SENP7: variants seen among roughly 807,000 people sequenced by gnomAD.
SENP7 encodes SUMO specific peptidase 7.
A neutral mutation model predicts 141.2 loss-of-function variants in SENP7; 64 were observed. That is an observed-to-expected ratio of 0.45 (90% confidence interval 0.37 to 0.56). The LOEUF is 0.56. Ranked by LOEUF, SENP7 falls within the 20% of genes least tolerant of loss-of-function variation. SENP7 has a pLI of 0.00. For synonymous variants in SENP7, 382 were observed against 426.4 expected (o/e 0.90, Z 1.28); for missense variants, 1,025 against 1,212.2 (o/e 0.85, Z 2.29).
chr3:101,475,924 C>CT (rs1398440007), intron 3 of SENP7, among the ~76,000 whole-genome samples: 2 of 152,074 alleles, frequency 1.3e-5, no homozygotes, highest in African/African-American at 4.8e-5. Flanking sequence ...AAACATCCCA[C>CT]TTTCAACATG....
rs147566320 is a variant in SENP7 at position 101,432,390 on chromosome 3, G to A, written c.285-14600C>T. ...TGCCATCCTGAAGGGAAGAACACAG[G>A]CCTGGCTGGCTTTGCCACTTGCTGA... On this transcript the variant is annotated intron_variant, in intron 4 of 23. Transcript: ENST00000394095. Among the ~76,000 whole-genome samples the A allele has an allele frequency of 9.4e-3, 1,439 of 152,314 alleles. 25 individuals are homozygous for A. The highest frequency in any genetic ancestry group is 0.033 in the African/African-American group (1,385 of 41,552).
chr3:101,459,048 T>A lies in SENP7; in HGVS notation c.191A>T (p.Glu64Val). Residue 64 changes from glutamate to valine, a missense_variant, in exon 4 of 24, where the codon GAA (glutamate) becomes GTA (valine). Physicochemically the swap from Glu to Val is moderately radical, Grantham distance 121. This residue lies in a region of SENP7 where 496 missense variants were observed against 503.5 expected (regional missense o/e 0.99). Transcript: ENST00000394095. ...GATGACTTTATTCCTTAGGCTTCTT[T>A]CCCACTAGGAAAAAAAAAATGAAAT... Reference protein sequence around the residue: ...SERWTLPLQWERSLRNKVISL... With the variant: ...SERWTLPLQWVRSLRNKVISL... The A allele has an allele frequency of 6.4e-7, 1 of 1,559,106 alleles. No individual in the cohort carries two copies. The highest frequency in any genetic ancestry group is 8.7e-7 in the Non-Finnish European group (1 of 1,144,698).
intron 11 of SENP7, chr3:101,357,319 A>C: frequency 1.5e-6 from 1 of 651,322 alleles, no homozygotes; most frequent in Non-Finnish European, 2.9e-6. Flanking sequence ...TGGACACTGC[A>C]CAGTGGAATT....
chr3:101,461,428 G>A (rs543353066), intron 3 of SENP7, among the ~76,000 whole-genome samples: 3 of 152,018 alleles, frequency 2.0e-5, no homozygotes, highest in South Asian at 2.1e-4. Flanking sequence ...AAACCACAGT[G>A]ACATACCATT....
In SENP7 at chr3:101,426,017, G is replaced by A. The variant is rs117158994; in HGVS notation, c.285-8227C>T. The stretch of plus-strand genomic sequence containing the variant: ...TGAGAAATAAGGGATTATGTAAAGA[G>A]ACTAAACCTACAACTCACTAGTGTA... On this transcript the variant is annotated intron_variant, in intron 4 of 23. Transcript: ENST00000394095. 1.4e-3 allele frequency among the ~76,000 whole-genome samples: 207 copies of A among 152,258 alleles called. 1 individual carries two copies. In the East Asian group the frequency reaches 0.028, roughly 21 times the overall value.
intron 11 of SENP7, chr3:101,358,132 C>T (rs1478980205): frequency 7.8e-6 from 4 of 515,434 alleles, no homozygotes; most frequent in Admixed American, 6.1e-5. Flanking sequence ...TCCTCAAACC[C>T]TACTAAACAT....
intron 3 of SENP7, among the ~76,000 whole-genome samples, chr3:101,467,304 T>G (rs1041891365): frequency 6.6e-6 from 1 of 152,262 alleles, no homozygotes; most frequent in African/African-American, 2.4e-5. Flanking sequence ...TAAACGTCCC[T>G]GTCTGACAGC....
chr3:101,446,497 G>C lies in SENP7; in HGVS notation c.284+12458C>G, dbSNP rs1054416644. 6.6e-5 allele frequency among the ~76,000 whole-genome samples: 10 copies of C among 152,228 alleles called. No individual in the cohort carries two copies. The East Asian group carries it at 1.9e-3, about 29-fold the overall frequency. ...TCACCAGTGCAAGAAACATTCTCCA[G>C]GGCAGATCCTATGAAAGGACACAAA... On this transcript the variant is annotated intron_variant, in intron 4 of 23. Coordinates refer to ENST00000394095, the MANE Select transcript of SENP7 (RefSeq NM_020654.5).
At position 101,499,535 on chromosome 3, in the gene SENP7, A is replaced by AT. The variant is rs55855998; in HGVS notation, c.90+1534dup. Among the ~76,000 whole-genome samples, 203 of 138,778 alleles carry AT rather than the reference A, an allele frequency of 1.5e-3. 4 individuals carry two copies. In the East Asian group the frequency reaches 0.027, roughly 18 times the overall value. 91.0% of individuals were successfully genotyped at this position (138,778 alleles called of 152,430 possible). A position where few individuals can be genotyped will look rare whatever the true frequency, so the allele number is the denominator to read the frequency against. On this transcript the variant is annotated intron_variant, in intron 2 of 23. Coordinates refer to ENST00000394095, the MANE Select transcript of SENP7 (RefSeq NM_020654.5). Reference sequence around the variant, plus strand: ...AGGCACCTGCCATCATGCCCAGCTAATTTTTTTTTTTTTTCTTGGAGACAG... The same window carrying AT: ...AGGCACCTGCCATCATGCCCAGCTAATTTTTTTTTTTTTTTCTTGGAGACAG...
In SENP7 at chr3:101,372,088, G is replaced by A. The variant is rs751490738; in HGVS notation, c.716C>T (p.Ala239Val). Residue 239 changes from alanine (A) to valine (V), a missense_variant, in exon 7 of 24, where the codon GCA becomes GTA. By Grantham distance (64) the Ala-to-Val change is moderately conservative. This residue lies in a region of SENP7 where 496 missense variants were observed against 503.5 expected (regional missense o/e 0.99). Coordinates refer to ENST00000394095, the MANE Select transcript of SENP7 (RefSeq NM_020654.5). Reference protein sequence around the residue: ...QRSKTVDDNSAKQTAHNKEKR... With the variant: ...QRSKTVDDNSVKQTAHNKEKR... ...TTCTTTATTGTGCGCAGTCTGCTTT[G>A]CAGAATTGTCATCTACTGTCTTACT... 6.4e-7 allele frequency: 1 copy of A among 1,567,352 alleles called. No homozygotes were observed. Among genetic ancestry groups the A allele is most frequent in the South Asian group, 1.2e-5 (1 of 83,246 alleles).
chr3:101,483,516 T>C (rs748170681), intron 3 of SENP7, among the ~76,000 whole-genome samples: 8 of 152,164 alleles, frequency 5.3e-5, no homozygotes, highest in Non-Finnish European at 8.8e-5. Context: ...TATTGGATAC[T>C]ATGCTTCCTA....
chr3:101,376,795 G>T (rs2060348836), intron 6 of SENP7, among the ~76,000 whole-genome samples: 2 of 151,428 alleles, frequency 1.3e-5, no homozygotes, highest in Non-Finnish European at 2.9e-5. Context: ...TTAAAAAAAT[G>T]CAAAAAGAAA....
chr3:101,477,588 T>C (rs2064271968), intron 3 of SENP7, among the ~76,000 whole-genome samples: 1 of 152,140 alleles, frequency 6.6e-6, no homozygotes, highest in African/African-American at 2.4e-5. Flanking sequence ...TGGTAGCTCA[T>C]GCCTGTGATC....
chr3:101,487,407 T>C (rs534419668), intron 3 of SENP7, among the ~76,000 whole-genome samples: 1 of 152,318 alleles, frequency 6.6e-6, no homozygotes, highest in East Asian at 1.9e-4. Context: ...GAATATTTTC[T>C]CCCATTCCTT....
chr3:101,384,455 G>T (rs2060594681), intron 6 of SENP7, among the ~76,000 whole-genome samples: 1 of 152,252 alleles, frequency 6.6e-6, no homozygotes, highest in African/African-American at 2.4e-5. Flanking sequence ...GGGCTCTGCA[G>T]TTCCTGGTGT....
intron 3 of SENP7, among the ~76,000 whole-genome samples, chr3:101,488,908 G>C (rs1229697167): frequency 6.6e-6 from 1 of 152,186 alleles, no homozygotes; most frequent in Non-Finnish European, 1.5e-5. Context: ...GGCAGCTAGA[G>C]AGAAGGGTCA....
At chr3:101,465,957 C>T (rs138736981) in intron 3 of SENP7, among the ~76,000 whole-genome samples, 11 of 152,056 alleles carry the variant, frequency 7.2e-5, no homozygotes, top group East Asian at 3.9e-4. Context: ...TCATTTAAAA[C>T]GTCCTACAAC....
chr3:101,497,451 C>T (rs1393385402), intron 2 of SENP7, among the ~76,000 whole-genome samples: 1 of 150,866 alleles, frequency 6.6e-6, no homozygotes, highest in African/African-American at 2.4e-5. Context: ...AAGCCTGGGG[C>T]AGGGAAAACA....
chr3:101,499,069 T>C (rs1345746997), intron 2 of SENP7, among the ~76,000 whole-genome samples: 1 of 152,138 alleles, frequency 6.6e-6, no homozygotes, highest in African/African-American at 2.4e-5. Context: ...AAGATAACAT[T>C]AGGAGAACCT....
Sources: allele counts gnomAD v4.1 joint callset (sites outside exome capture counted in the v4.1 genomes callset), GRCh38; gene constraint gnomAD v4.1.1; regional missense constraint gnomAD v4.1.1; transcripts MANE v1.5; gene names NCBI Gene and HGNC (gene_info 2026-07-23, HGNC 2026-07-21).